Variants in AGBL4 observed in about 807,000 individuals in gnomAD.
AGBL4 encodes cytosolic carboxypeptidase 6.
A neutral mutation model predicts 66.4 loss-of-function variants in AGBL4; 58 were observed. That is an observed-to-expected ratio of 0.87 (90% CI 0.71 to 1.09). The LOEUF (loss-of-function observed/expected upper bound fraction) is 1.09, where lower values mean the gene tolerates loss of function less well. Among genes scored for constraint, AGBL4 ranks in the 50% least tolerant of loss-of-function variants. AGBL4 has a pLI of 0.00. For synonymous variants in AGBL4, 234 were observed against 222.9 expected (o/e 1.05, Z -0.44); for missense variants, 579 against 631.0 (o/e 0.92, Z 0.88).
At chr1:49,147,672 C>T (rs181910792) in intron 4 of AGBL4, among the ~76,000 whole-genome samples, 5 of 152,152 alleles carry the variant, frequency 3.3e-5, no homozygotes, top group East Asian at 1.9e-4. Flanking sequence ...ATGCTTCACA[C>T]GCATGCTTGT....
intron 4 of AGBL4, among the ~76,000 whole-genome samples, chr1:49,154,312 T>A (rs894111430): frequency 6.6e-6 from 1 of 151,438 alleles, no homozygotes; most frequent in Non-Finnish European, 1.5e-5. Context: ...TACAGAGTCA[T>A]TAAGAGGAAA....
intron 11 of AGBL4, among the ~76,000 whole-genome samples, chr1:48,576,834 TG>T (rs1480831286): frequency 3.3e-5 from 5 of 152,160 alleles, no homozygotes; most frequent in Non-Finnish European, 7.4e-5. Flanking sequence ...AGAAGGGTAG[TG>T]TGGTGGATGT....
At chr1:49,765,834 A>G (rs996032838) in intron 2 of AGBL4, among the ~76,000 whole-genome samples, 5 of 152,122 alleles carry the variant, frequency 3.3e-5, no homozygotes, top group African/African-American at 7.2e-5. Context: ...CAAGCAGAAG[A>G]AAGAATTTCA....
chr1:49,882,298 G>A (rs868197132), intron 1 of AGBL4, among the ~76,000 whole-genome samples: 8 of 150,568 alleles, frequency 5.3e-5, no homozygotes, highest in Middle Eastern at 3.4e-3. Context: ...TAGCCTTGTA[G>A]TATAGTTTGA....
intron 4 of AGBL4, chr1:49,187,363 A>G (rs1647034447): frequency 6.6e-6 from 1 of 152,180 alleles, no homozygotes. Context: ...GCACTGTTGT[A>G]AGAATGAATA....
chr1:49,618,564 C>A (rs2124282710), intron 3 of AGBL4, among the ~76,000 whole-genome samples: 1 of 152,290 alleles, frequency 6.6e-6, no homozygotes, highest in Middle Eastern at 3.4e-3. Context: ...ACCATTCCTT[C>A]TAAAACTATT....
intron 3 of AGBL4, among the ~76,000 whole-genome samples, chr1:49,530,184 T>C (rs1032330502): frequency 6.7e-6 from 1 of 149,204 alleles, no homozygotes; most frequent in African/African-American, 2.5e-5. Flanking sequence ...ATCATTATTA[T>C]CATTTTCCCT....
At chr1:49,920,315 G>A (rs78256952) in intron 1 of AGBL4, among the ~76,000 whole-genome samples, 10,435 of 152,092 alleles carry the variant, frequency 0.069, 1,122 homozygotes, top group African/African-American at 0.23. Context: ...CTACAGAATG[G>A]GAGAAAATTT....
chr1:49,436,088 AT>A (rs1173368178), intron 3 of AGBL4, among the ~76,000 whole-genome samples: 1 of 152,216 alleles, frequency 6.6e-6, no homozygotes, highest in African/African-American at 2.4e-5. Flanking sequence ...GAGCTGAACA[AT>A]AAGGATCAAG....
intron 1 of AGBL4, among the ~76,000 whole-genome samples, chr1:49,896,041 G>A (rs1471040200): frequency 6.7e-6 from 1 of 150,300 alleles, no homozygotes; most frequent in African/African-American, 2.4e-5. Context: ...AATGCAAAAA[G>A]ACATTCTATG....
rs191867319 is a variant in AGBL4 at position 49,557,258 on chromosome 1, C to T, written c.282+140055G>A. Among the ~76,000 whole-genome samples, 37 of 152,230 alleles carry T rather than the reference C, an allele frequency of 2.4e-4. No individual in the cohort carries two copies. The East Asian group carries it at 5.2e-3, about 21-fold the overall frequency. On this transcript the variant is annotated intron_variant, in intron 3 of 13. Coordinates refer to ENST00000371839, the MANE Select transcript of AGBL4 (RefSeq NM_032785.4). ...AGCGAGGGCTGCTAGCATGTTGTCA[C>T]CTCTCACAAGGACACCAATTTAACA...
At chr1:49,308,981 G>A (rs578184228) in intron 3 of AGBL4, among the ~76,000 whole-genome samples, 9 of 152,220 alleles carry the variant, frequency 5.9e-5, no homozygotes, top group Admixed American at 4.6e-4. Flanking sequence ...TTTATATGCT[G>A]GGTACATGAG....
At chr1:49,658,775 G>T (rs548184154) in intron 3 of AGBL4, among the ~76,000 whole-genome samples, 4 of 151,230 alleles carry the variant, frequency 2.6e-5, no homozygotes, top group Admixed American at 6.6e-5. Context: ...ACCAAACACC[G>T]CATGTTCTCA....
At chr1:49,447,520 T>C (rs1311282627) in intron 3 of AGBL4, among the ~76,000 whole-genome samples, 2 of 152,044 alleles carry the variant, frequency 1.3e-5, no homozygotes, top group African/African-American at 4.8e-5. Flanking sequence ...ACTCCCAAAA[T>C]GGCACCTGCC....
At chr1:48,581,007 C>A (rs944316203) in intron 11 of AGBL4, among the ~76,000 whole-genome samples, 1 of 152,288 alleles carries the variant, frequency 6.6e-6, no homozygotes, top group South Asian at 2.1e-4. Context: ...TGCACCACCC[C>A]AGCTGGTTTA....
intron 4 of AGBL4, among the ~76,000 whole-genome samples, chr1:49,133,965 A>T (rs928983862): frequency 9.2e-5 from 14 of 152,060 alleles, no homozygotes; most frequent in African/African-American, 3.1e-4. Context: ...CCAGCCCCCA[A>T]TATTTCAACA....
At chr1:48,818,293 G>A (rs1051690185) in intron 6 of AGBL4, 12 of 716,498 alleles carry the variant, frequency 1.7e-5, no homozygotes, top group Non-Finnish European at 2.6e-5. Context: ...CTACTTCACC[G>A]AAGGAAAATA....
At chr1:49,880,472 T>C (rs1222054908) in intron 1 of AGBL4, among the ~76,000 whole-genome samples, 1 of 152,054 alleles carries the variant, frequency 6.6e-6, no homozygotes, top group African/African-American at 2.4e-5. Context: ...TTAGGCTGCT[T>C]GGGGGTCGGG....
chr1:49,716,238 G>T (rs968440472), intron 2 of AGBL4, among the ~76,000 whole-genome samples: 3 of 151,986 alleles, frequency 2.0e-5, no homozygotes, highest in African/African-American at 4.8e-5. Context: ...TTTTTGTCAG[G>T]TTTGTCAAAG....
Sources: gnomAD v4.1 joint callset for allele counts (sites outside exome capture counted in the v4.1 genomes callset) on GRCh38, gnomAD v4.1.1 for gene constraint, MANE v1.5 for transcripts, NCBI Gene and HGNC (gene_info 2026-07-23, HGNC 2026-07-21) for gene names.